The following CACNA2D3 variants were observed in gnomAD, a reference collection of about 807,000 sequenced individuals.
CACNA2D3 encodes calcium voltage-gated channel auxiliary subunit alpha2delta 3, also known as voltage-dependent calcium channel subunit alpha-2/delta-3.
A neutral mutation model predicts 160.6 loss-of-function variants in CACNA2D3; 60 were observed. That is an observed-to-expected ratio of 0.37 (90% confidence interval 0.30 to 0.46). CACNA2D3 has a LOEUF of 0.46. Ranked by LOEUF, CACNA2D3 falls within the 20% of genes least tolerant of loss-of-function variation. The pLI is 1.00. For synonymous variants in CACNA2D3, 558 were observed against 492.9 expected, an observed-to-expected ratio of 1.13 and a Z score of -1.75; for missense variants, 1,205 against 1,365.0, an observed-to-expected ratio of 0.88 and a Z score of 1.85.
intron 11 of CACNA2D3, among the ~76,000 whole-genome samples, chr3:54,721,558 C>A (rs552462452): frequency 3.3e-5 from 5 of 151,798 alleles, no homozygotes; most frequent in Non-Finnish European, 7.4e-5. Context: ...GTCAGGAGTT[C>A]GAGACCAGCC....
chr3:54,180,970 C>G (rs1700772288), intron 2 of CACNA2D3, among the ~76,000 whole-genome samples: 1 of 152,134 alleles, frequency 6.6e-6, no homozygotes, highest in Non-Finnish European at 1.5e-5. Flanking sequence ...AGCTGGTAGA[C>G]CATCTGGTTG....
chr3:54,598,330 A>AAAAAAAG (rs1702997842), intron 9 of CACNA2D3, among the ~76,000 whole-genome samples: 1 of 149,362 alleles, frequency 6.7e-6, no homozygotes, highest in African/African-American at 2.5e-5. Flanking sequence ...AAAAAAAAAA[A>AAAAAAAG]AAGAAGAAAG....
At position 54,689,810 on chromosome 3, in the gene CACNA2D3, C is replaced by T. The variant is rs531160495; in HGVS notation, c.1167+47569C>T. On this transcript the variant is annotated intron_variant, in intron 11 of 37. Coordinates refer to ENST00000474759, the MANE Select transcript of CACNA2D3 (RefSeq NM_018398.3). Reference sequence around the variant, plus strand: ...CTAGTCTCCCTGCCTCTTTGACACCCCTTCCCCTATAATCTGTTTTCAGCA... The same window carrying T: ...CTAGTCTCCCTGCCTCTTTGACACCTCTTCCCCTATAATCTGTTTTCAGCA... Among the ~76,000 whole-genome samples, 71 of 152,242 alleles carry T rather than the reference C, an allele frequency of 4.7e-4. No homozygotes were observed. The South Asian group carries it at 0.011, about 24-fold the overall frequency.
chr3:55,073,422 C>A, intron 35 of CACNA2D3, 23 bp from the exon 36 acceptor site: 1 of 1,569,182 alleles, frequency 6.4e-7, no homozygotes, highest in Non-Finnish European at 8.8e-7. Context: ...AAATGACTGC[C>A]TCGCTACCTC....
At chr3:54,426,388 C>A (rs1461878020) in intron 4 of CACNA2D3, among the ~76,000 whole-genome samples, 2 of 152,132 alleles carry the variant, frequency 1.3e-5, no homozygotes, top group Non-Finnish European at 2.9e-5. Flanking sequence ...ATAATATTTG[C>A]CTTTCCACTC....
At chr3:54,702,085 C>T (rs1700777149) in intron 11 of CACNA2D3, among the ~76,000 whole-genome samples, 1 of 152,152 alleles carries the variant, frequency 6.6e-6, no homozygotes, top group Non-Finnish European at 1.5e-5. Context: ...CAGGCCCTTT[C>T]TTTTCACCAT....
intron 9 of CACNA2D3, among the ~76,000 whole-genome samples, chr3:54,617,212 T>C (rs1266581532): frequency 4.6e-5 from 7 of 152,198 alleles, no homozygotes; most frequent in African/African-American, 1.7e-4. Context: ...TGCATCAGTG[T>C]GTTTTTCTAG....
chr3:54,207,075 C>A (rs185539469), intron 2 of CACNA2D3, among the ~76,000 whole-genome samples: 90 of 152,322 alleles, frequency 5.9e-4, no homozygotes, highest in African/African-American at 2.0e-3. Flanking sequence ...GCTTCTGCTG[C>A]CACTCACTGG....
chr3:54,258,284 A>G (rs973989063), intron 2 of CACNA2D3, among the ~76,000 whole-genome samples: 2 of 152,220 alleles, frequency 1.3e-5, no homozygotes, highest in African/African-American at 4.8e-5. Flanking sequence ...AGTAAATTCC[A>G]TATCCAACCA....
chr3:54,500,516 C>CCTTT (rs1701273413), intron 4 of CACNA2D3, among the ~76,000 whole-genome samples: 1 of 102,430 alleles, frequency 9.8e-6, no homozygotes, highest in Non-Finnish European at 2.1e-5. Context: ...TTCCTTCCTT[C>CCTTT]CTTCCTTCCT....
At chr3:54,614,840 A>G (rs779841958) in intron 9 of CACNA2D3, among the ~76,000 whole-genome samples, 14 of 152,098 alleles carry the variant, frequency 9.2e-5, no homozygotes, top group Non-Finnish European at 1.6e-4. Context: ...GATAAATTAA[A>G]TATCCCTCCA....
intron 2 of CACNA2D3, among the ~76,000 whole-genome samples, chr3:54,264,379 C>T (rs947462361): frequency 1.3e-5 from 2 of 152,160 alleles, no homozygotes; most frequent in Non-Finnish European, 2.9e-5. Context: ...CTTTGAAAAT[C>T]AGGAGACTGG....
chr3:54,170,616 ACCTC>A (rs1436065545), intron 2 of CACNA2D3, among the ~76,000 whole-genome samples: 2 of 151,112 alleles, frequency 1.3e-5, no homozygotes, highest in Non-Finnish European at 3.0e-5. Flanking sequence ...CTCCCTGACT[ACCTC>A]CCTCCCTCCC....
chr3:54,924,945 G>A (rs1700967766), intron 27 of CACNA2D3: 1 of 1,611,450 alleles, frequency 6.2e-7, no homozygotes, highest in Non-Finnish European at 8.5e-7. Context: ...CCCATGGAAA[G>A]CTCCAGGGGC....
chr3:55,014,270 G>GA (rs112275588), intron 34 of CACNA2D3, among the ~76,000 whole-genome samples: 159 of 152,316 alleles, frequency 1.0e-3, no homozygotes, highest in African/African-American at 3.6e-3. Flanking sequence ...AGTTAATGAT[G>GA]ATTGTGATGA....
chr3:54,513,319 T>C (rs1049867654), intron 5 of CACNA2D3, among the ~76,000 whole-genome samples: 2 of 152,220 alleles, frequency 1.3e-5, no homozygotes, highest in African/African-American at 4.8e-5. Flanking sequence ...TATCTACTCA[T>C]TGACCTTAGA....
rs761015820 is a variant in CACNA2D3 at position 54,759,520 on chromosome 3, T to TTTA, written c.1247-4698_1247-4697insTTA. 1.3e-4 allele frequency among the ~76,000 whole-genome samples: 20 copies of TTTA among 151,828 alleles called. No individual in the cohort carries two copies. In the East Asian group the frequency reaches 1.4e-3, roughly 10 times the overall value. The stretch of plus-strand genomic sequence containing the variant: ...GGCTCAGAAAGATTTTAAACTTTAA[T>TTTA]GAGTTGGAATCAAATGTGCATAAGC... On this transcript the variant is annotated intron_variant, in intron 12 of 37. Transcript: ENST00000474759.
chr3:54,796,609 A>G (rs901670420), intron 13 of CACNA2D3, among the ~76,000 whole-genome samples: 2 of 152,232 alleles, frequency 1.3e-5, no homozygotes, highest in African/African-American at 2.4e-5. Context: ...GACTAGAATC[A>G]CAGCATTCTT....
At chr3:54,888,164 T>C in intron 24 of CACNA2D3, 112 bp downstream of exon 24, 1 of 851,326 alleles carries the variant, frequency 1.2e-6, no homozygotes, top group African/African-American at 1.7e-5. Context: ...TAAAGTTCTT[T>C]AATTTTCCCC....
Sources: allele counts gnomAD v4.1 joint callset (sites outside exome capture counted in the v4.1 genomes callset), GRCh38; gene constraint gnomAD v4.1.1; transcripts MANE v1.5; gene names NCBI Gene and HGNC (gene_info 2026-07-23, HGNC 2026-07-21).